The following ADAM23 variants were observed in gnomAD, a reference collection of about 807,000 sequenced individuals.
ADAM23 encodes the protein ADAM metallopeptidase domain 23.
A neutral mutation model predicts 120.1 loss-of-function variants in ADAM23; 33 were observed. The ratio of observed to expected loss-of-function variants is 0.27; its 90% CI spans 0.21 to 0.37. The LOEUF (loss-of-function observed/expected upper bound fraction) is 0.37, where lower values mean the gene tolerates loss of function less well. Ranked by LOEUF, ADAM23 falls within the 10% of genes least tolerant of loss-of-function variation. The pLI, the probability that ADAM23 is intolerant of heterozygous loss-of-function variation, is 1.00. For missense variants in ADAM23, 862 were observed against 1,058.2 expected (o/e 0.81, Z 2.57); for synonymous variants, 367 against 375.2 (o/e 0.98, Z 0.25).
intron 2 of ADAM23, among the ~76,000 whole-genome samples, chr2:206,469,042 A>G (rs1223649216): frequency 6.6e-6 from 1 of 152,210 alleles, no homozygotes; most frequent in East Asian, 1.9e-4. Context: ...TAAAACCATG[A>G]GAAACCGTCC....
At position 206,495,429 on chromosome 2, in the gene ADAM23, C is replaced by A. The variant is rs1223872661; in HGVS notation, c.509+14121C>A. On this transcript the variant is annotated intron_variant, in intron 3 of 25. Transcript: ENST00000264377. The stretch of plus-strand genomic sequence containing the variant: ...TTCATAAGTGAAGGAGAAATAAAAT[C>A]CTTTACAGACAAGCAAATGCTGAGA... Among the ~76,000 whole-genome samples the A allele has an allele frequency of 2.4e-3, 363 of 151,492 alleles. 1 individual carries two copies. The highest frequency in any genetic ancestry group is 8.5e-3 in the African/African-American group (352 of 41,302).
intron 17 of ADAM23, among the ~76,000 whole-genome samples, chr2:206,572,860 A>C (rs1698032491): frequency 6.6e-6 from 1 of 152,166 alleles, no homozygotes; most frequent in Non-Finnish European, 1.5e-5. Context: ...TTGTTTTCTG[A>C]AAATAGTACT....
At chr2:206,559,449 C>G (rs1220821595) in intron 10 of ADAM23, among the ~76,000 whole-genome samples, 3 of 152,020 alleles carry the variant, frequency 2.0e-5, no homozygotes. Context: ...ATCCTTGAGT[C>G]TCTCTCTCTC....
intron 2 of ADAM23, among the ~76,000 whole-genome samples, chr2:206,470,572 G>T (rs902041377): frequency 9.2e-5 from 14 of 152,148 alleles, no homozygotes; most frequent in African/African-American, 3.4e-4. Context: ...CATTTGTTTT[G>T]AGTAAAATTG....
intron 16 of ADAM23, among the ~76,000 whole-genome samples, chr2:206,571,274 G>A (rs1482072965): frequency 6.6e-6 from 1 of 152,134 alleles, no homozygotes; most frequent in Non-Finnish European, 1.5e-5. Flanking sequence ...AGGAGATAGA[G>A]ACCATCCTGG....
intron 2 of ADAM23, 55 bp from the exon 3 acceptor site, chr2:206,481,177 C>CT: frequency 7.4e-7 from 1 of 1,343,206 alleles, no homozygotes; most frequent in East Asian, 2.4e-5. Flanking sequence ...TGATAATAAT[C>CT]TGTCTTAAAG....
At chr2:206,611,437 T>G (rs890293703) in intron 25 of ADAM23, among the ~76,000 whole-genome samples, 1 of 125,348 alleles carries the variant, frequency 8.0e-6, no homozygotes, top group Non-Finnish European at 1.9e-5. Context: ...AGCAAAACTT[T>G]TCTTAGTGTT....
At chr2:206,484,860 T>C (rs1275894548) in intron 3 of ADAM23, among the ~76,000 whole-genome samples, 1 of 152,132 alleles carries the variant, frequency 6.6e-6, no homozygotes, top group Non-Finnish European at 1.5e-5. Context: ...TCCCCTGCTG[T>C]TCTTGTGATA....
At chr2:206,582,161 A>G (rs1180978081) in intron 18 of ADAM23, among the ~76,000 whole-genome samples, 1 of 152,146 alleles carries the variant, frequency 6.6e-6, no homozygotes, top group African/African-American at 2.4e-5. Context: ...TACAGGCGTG[A>G]GCCACCACGC....
At position 206,583,191 on chromosome 2, in the gene ADAM23, A is replaced by G. The variant is rs79823823; in HGVS notation, c.1738-4134A>G. On this transcript the variant is annotated intron_variant, in intron 18 of 25. Transcript: ENST00000264377. ...TTCCTCCGGCCGGGCACAGTGGCTC[A>G]TGCTTGTAATCCCAGCACTTTGGGA... 1.6e-4 allele frequency among the ~76,000 whole-genome samples: 25 copies of G among 152,354 alleles called. No homozygotes were observed. The East Asian group carries it at 4.6e-3, about 28-fold the overall frequency.
intron 18 of ADAM23, among the ~76,000 whole-genome samples, chr2:206,576,411 A>T (rs1367056756): frequency 4.6e-5 from 7 of 152,076 alleles, no homozygotes. Flanking sequence ...CTATTGTCTA[A>T]GTAAAACATT....
intron 3 of ADAM23, among the ~76,000 whole-genome samples, chr2:206,486,002 G>C (rs1696004419): frequency 6.6e-6 from 1 of 152,210 alleles, no homozygotes; most frequent in Admixed American, 6.5e-5. Flanking sequence ...AAGAAGGGCA[G>C]AGGCCATTAT....
intron 2 of ADAM23, among the ~76,000 whole-genome samples, chr2:206,467,278 C>G (rs566280792): frequency 6.6e-6 from 1 of 152,186 alleles, no homozygotes; most frequent in Non-Finnish European, 1.5e-5. Context: ...TCTGAGATAA[C>G]GCTAGTCCCT....
At chr2:206,518,314 G>GTATTA (rs1358834018) in intron 3 of ADAM23, among the ~76,000 whole-genome samples, 1 of 152,124 alleles carries the variant, frequency 6.6e-6, no homozygotes, top group Admixed American at 6.5e-5. Flanking sequence ...TTCAGTTTTA[G>GTATTA]TATTATGCAA....
chr2:206,479,761 G>A (rs1449191498), intron 2 of ADAM23, among the ~76,000 whole-genome samples: 2 of 152,036 alleles, frequency 1.3e-5, no homozygotes, highest in Non-Finnish European at 2.9e-5. Context: ...GTTCTAGAAG[G>A]TTGTTTGGAA....
At chr2:206,494,667 A>G (rs1202348472) in intron 3 of ADAM23, among the ~76,000 whole-genome samples, 1 of 152,226 alleles carries the variant, frequency 6.6e-6, no homozygotes, top group East Asian at 1.9e-4. Flanking sequence ...TACTGGATAA[A>G]TGGAAGTGAT....
intron 15 of ADAM23, among the ~76,000 whole-genome samples, chr2:206,568,206 G>T (rs1258303307): frequency 6.6e-6 from 1 of 151,926 alleles, no homozygotes; most frequent in Non-Finnish European, 1.5e-5. Flanking sequence ...AGGTATTTAT[G>T]GATACCATAA....
intron 24 of ADAM23, among the ~76,000 whole-genome samples, chr2:206,606,056 C>T (rs1475143970): frequency 6.6e-6 from 1 of 152,198 alleles, no homozygotes; most frequent in Non-Finnish European, 1.5e-5. Context: ...GTAGAACCTT[C>T]TCCTGTCTGG....
chr2:206,566,386 C>G (rs887239087), intron 14 of ADAM23, among the ~76,000 whole-genome samples: 1 of 152,052 alleles, frequency 6.6e-6, no homozygotes, highest in Non-Finnish European at 1.5e-5. Context: ...TGAATTACTT[C>G]CTAGAATAAG....
Sources: allele counts gnomAD v4.1 joint callset (sites outside exome capture counted in the v4.1 genomes callset), GRCh38; gene constraint gnomAD v4.1.1; transcripts MANE v1.5; gene names NCBI Gene and HGNC (gene_info 2026-07-23, HGNC 2026-07-21).